The following CACNG3 variants were observed in gnomAD, a reference collection of about 807,000 sequenced individuals.
CACNG3 encodes voltage-dependent calcium channel gamma-3 subunit.
A neutral mutation model predicts 28.5 loss-of-function variants in CACNG3; 3 were observed. The ratio of observed to expected loss-of-function variants is 0.11; its 90% CI spans 0.05 to 0.27. The LOEUF (loss-of-function observed/expected upper bound fraction) is 0.27. CACNG3 is among the 10% of genes least tolerant of loss of function. The pLI, the probability that CACNG3 is intolerant of heterozygous loss-of-function variation, is 1.00. For synonymous variants in CACNG3, 174 were observed against 162.2 expected (o/e 1.07, Z -0.55); for missense variants, 236 against 414.4 (o/e 0.57, Z 3.74).
intron 1 of CACNG3, among the ~76,000 whole-genome samples, chr16:24,321,909 C>T (rs948884519): frequency 3.3e-5 from 5 of 152,074 alleles, no homozygotes; most frequent in South Asian, 2.1e-4. Context: ...TAGGTAGGTA[C>T]GTAGAGGAAA....
At chr16:24,356,167 C>A (rs959086698) in intron 3 of CACNG3, among the ~76,000 whole-genome samples, 4 of 152,060 alleles carry the variant, frequency 2.6e-5, no homozygotes, top group Admixed American at 2.6e-4. Flanking sequence ...TTTAGAGAAG[C>A]AAAGAACAGG....
intron 1 of CACNG3, among the ~76,000 whole-genome samples, chr16:24,288,796 G>A (rs1898927814): frequency 6.6e-6 from 1 of 152,120 alleles, no homozygotes; most frequent in Admixed American, 6.6e-5. Flanking sequence ...GTTGGTGGAT[G>A]TTTGCAATCT....
At chr16:24,282,000 C>G (rs1407995970) in intron 1 of CACNG3, among the ~76,000 whole-genome samples, 1 of 152,148 alleles carries the variant, frequency 6.6e-6, no homozygotes, top group African/African-American at 2.4e-5. Flanking sequence ...CAGCCTTTCA[C>G]CAGAGTGTAG....
intron 1 of CACNG3, among the ~76,000 whole-genome samples, chr16:24,333,979 A>G (rs1388350008): frequency 2.6e-5 from 4 of 152,178 alleles, no homozygotes; most frequent in Non-Finnish European, 5.9e-5. Context: ...TCCAATGTGA[A>G]CCAGTGTTGA....
At chr16:24,269,724 G>A (rs1342743146) in intron 1 of CACNG3, among the ~76,000 whole-genome samples, 2 of 130,504 alleles carry the variant, frequency 1.5e-5, no homozygotes, top group Non-Finnish European at 3.1e-5. Context: ...TCCAGCCTGG[G>A]CAACAGAGAG....
intron 1 of CACNG3, among the ~76,000 whole-genome samples, chr16:24,295,131 A>G (rs553883386): frequency 6.6e-6 from 1 of 152,178 alleles, no homozygotes; most frequent in Admixed American, 6.5e-5. Context: ...AAGAAGTCCA[A>G]TTTCTCCCAC....
intron 1 of CACNG3, among the ~76,000 whole-genome samples, chr16:24,323,277 T>C (rs1156656744): frequency 6.7e-6 from 1 of 149,622 alleles, no homozygotes; most frequent in Non-Finnish European, 1.5e-5. Context: ...GCCTTCCATA[T>C]GGACATCTTT....
chr16:24,315,991 G>A (rs943812518), intron 1 of CACNG3, among the ~76,000 whole-genome samples: 2 of 151,898 alleles, frequency 1.3e-5, no homozygotes, highest in East Asian at 3.9e-4. Context: ...TATTGAGCAT[G>A]TACTATGTGC....
chr16:24,354,812 C>A (rs779630158), intron 2 of CACNG3, 21 bp from the exon 3 acceptor site: 1 of 1,609,422 alleles, frequency 6.2e-7, no homozygotes, highest in Non-Finnish European at 8.5e-7. Context: ...CAGGCAGAAG[C>A]CTCTCTCCTT....
intron 1 of CACNG3, among the ~76,000 whole-genome samples, chr16:24,344,718 A>G (rs1461950664): frequency 6.6e-6 from 1 of 152,184 alleles, no homozygotes; most frequent in Non-Finnish European, 1.5e-5. Flanking sequence ...AACCAAGGAG[A>G]TGTTCTACAT....
chr16:24,306,275 A>C (rs1435827688), intron 1 of CACNG3, among the ~76,000 whole-genome samples: 1 of 152,186 alleles, frequency 6.6e-6, no homozygotes, highest in Non-Finnish European at 1.5e-5. Flanking sequence ...CAGGGTTTCT[A>C]TTCTTCCTTC....
At chr16:24,257,374 A>G (rs1205672000) in intron 1 of CACNG3, among the ~76,000 whole-genome samples, 370 of 17,088 alleles carry the variant, frequency 0.022, 36 homozygotes, top group Non-Finnish European at 0.032. Context: ...GGGGGGAGAG[A>G]GAGAGAGAGA....
At chr16:24,287,546 A>C (rs967637042) in intron 1 of CACNG3, among the ~76,000 whole-genome samples, 1 of 149,622 alleles carries the variant, frequency 6.7e-6, no homozygotes, top group South Asian at 2.1e-4. Flanking sequence ...GAAGAAAAAG[A>C]AAAAAAAAAT....
chr16:24,317,576 A>C (rs1233304990), intron 1 of CACNG3, among the ~76,000 whole-genome samples: 1 of 59,370 alleles, frequency 1.7e-5, no homozygotes, highest in African/African-American at 8.5e-5. Context: ...GAAAGAAAGA[A>C]AGAAAGAAAG....
intron 3 of CACNG3, among the ~76,000 whole-genome samples, chr16:24,357,262 C>A (rs1171350588): frequency 2.0e-5 from 3 of 149,172 alleles, no homozygotes; most frequent in African/African-American, 7.4e-5. Flanking sequence ...AAGCCATCAG[C>A]TCTCATGAGA....
rs1166396730 is a variant in CACNG3, at chr16:24,361,822, C to T, written c.907C>T (p.Leu303=). 1 of 1,613,208 alleles carries T rather than the reference C, an allele frequency of 6.2e-7. No individual in the cohort carries two copies. ...CACACCCAAAGAGTTCAAAGAGTCACTGCATAATAATCCGGCCAACAGGCG... is the reference window on the plus strand; with the variant it reads ...CACACCCAAAGAGTTCAAAGAGTCATTGCATAATAATCCGGCCAACAGGCG... ...NSTPKEFKES[L]HNNPANRRTT... is the part of the protein sequence containing the mutation. The change falls in exon 4 of 4, where the codon CTG becomes TTG. Residue 303 remains leucine, a synonymous_variant. Coordinates refer to ENST00000005284, the MANE Select transcript of CACNG3 (RefSeq NM_006539.4). This position sits in a 1 kb window ranked among gnomAD's most constrained non-coding sequence, Gnocchi z 6.8.
At chr16:24,279,472 AT>A (rs1898792376) in intron 1 of CACNG3, among the ~76,000 whole-genome samples, 2 of 151,752 alleles carry the variant, frequency 1.3e-5, no homozygotes, top group Non-Finnish European at 1.5e-5. Flanking sequence ...TTTGTTTATT[AT>A]TATTATTATT....
In CACNG3 at chr16:24,317,603, AAAG is replaced by A. The variant is rs1567217419; in HGVS notation, c.212-29128_212-29126del. ...GAAAGAAAGAAAGAAAGAAAGAAAG[AAAG>A]AAAGAAAGAAAGAAAGAAAGACAGA... is the stretch of plus-strand genomic sequence containing the variant. On this transcript the variant is annotated intron_variant, in intron 1 of 3. Transcript: ENST00000005284. 9.4e-4 allele frequency among the ~76,000 whole-genome samples: 69 copies of A among 73,542 alleles called. 3 individuals carry two copies. Among genetic ancestry groups the A allele is most frequent in the Admixed American group, 6.0e-3 (42 of 7,028 alleles). The allele number at this position is 73,542 out of a possible 152,430, so 48.2% of individuals were successfully genotyped here. A position where few individuals can be genotyped will look rare whatever the true frequency, so the allele number is the denominator to read the frequency against.
At chr16:24,312,936 A>G (rs1205927480) in intron 1 of CACNG3, among the ~76,000 whole-genome samples, 2 of 95,466 alleles carry the variant, frequency 2.1e-5, no homozygotes, top group Non-Finnish European at 4.5e-5. Flanking sequence ...AGAAAGAAAG[A>G]AAGAAAGAAA....
Sources: gnomAD v4.1 joint callset for allele counts (sites outside exome capture counted in the v4.1 genomes callset) on GRCh38, gnomAD v4.1.1 for gene constraint, Gnocchi (gnomAD v3.1) non-coding constraint, MANE v1.5 for transcripts, NCBI Gene and HGNC (gene_info 2026-07-23, HGNC 2026-07-21) for gene names.